Variants in CCSAP observed in about 807,000 individuals in gnomAD.
CCSAP encodes centriole, cilia and spindle associated protein.
CCSAP carries 17 observed loss-of-function variants against 25.9 expected under a neutral mutation model. The ratio of observed to expected loss-of-function variants is 0.66; its 90% CI spans 0.45 to 0.99. The LOEUF is 0.99. Ranked by LOEUF, CCSAP falls within the 50% of genes least tolerant of loss-of-function variation. CCSAP has a pLI of 0.00. For missense variants in CCSAP, 339 were observed against 367.8 expected, an observed-to-expected ratio of 0.92 and a Z score of 0.64; for synonymous variants, 169 against 157.1, an observed-to-expected ratio of 1.08 and a Z score of -0.57.
intron 2 of CCSAP, among the ~76,000 whole-genome samples, chr1:229,330,102 A>G (rs1200066471): frequency 6.7e-6 from 1 of 148,626 alleles, no homozygotes; most frequent in African/African-American, 2.6e-5. Context: ...CAGAGCAGAC[A>G]GCCCAGCAAC....
intron 2 of CCSAP, among the ~76,000 whole-genome samples, chr1:229,339,905 G>A (rs1385282000): frequency 6.6e-6 from 1 of 152,070 alleles, no homozygotes; most frequent in African/African-American, 2.4e-5. Context: ...GTGTGTGGGT[G>A]AGGAGAGCAG....
In CCSAP at chr1:229,337,670, C is replaced by CAAAAAAAAAAAAAAAAAAAAAAA. The variant is rs539736168; in HGVS notation, c.367+4428_367+4429insTTTTTTTTTTTTTTTTTTTTTTT. 3.6e-4 allele frequency among the ~76,000 whole-genome samples: 20 copies of CAAAAAAAAAAAAAAAAAAAAAAA among 55,966 alleles called. 3 individuals are homozygous for CAAAAAAAAAAAAAAAAAAAAAAA. The highest frequency in any genetic ancestry group is 6.7e-4 in the African/African-American group (9 of 13,432). 36.7% of individuals were successfully genotyped at this position (55,966 alleles called of 152,430 possible). The stretch of plus-strand genomic sequence containing the variant: ...CTAGACTGGAACAAGATCAAAGGCT[C>CAAAAAAAAAAAAAAAAAAAAAAA]AAAAAAAAATATATATATATATATA... On this transcript the variant is annotated intron_variant, in intron 2 of 3. Transcript: ENST00000284617.
chr1:229,328,282 T>G (rs1452543092), intron 2 of CCSAP, among the ~76,000 whole-genome samples: 2 of 152,108 alleles, frequency 1.3e-5, no homozygotes, highest in Non-Finnish European at 2.9e-5. Flanking sequence ...AGAGTTTTGC[T>G]CTCAGTCATG....
chr1:229,342,662 C>G lies in CCSAP; in HGVS notation c.-48-149G>C, dbSNP rs908485789. 5 of 374,222 alleles carry G rather than the reference C, an allele frequency of 1.3e-5. No individual in the cohort carries two copies. The highest frequency in any genetic ancestry group is 2.3e-5 in the Non-Finnish European group (5 of 213,550). 23.2% of individuals were successfully genotyped at this position (374,222 alleles called of 1,614,324 possible). On this transcript the variant is annotated intron_variant, in intron 1 of 3. Coordinates refer to ENST00000284617, the MANE Select transcript of CCSAP (RefSeq NM_145257.5). The surrounding 1 kb of genome is among the most constrained non-coding windows in gnomAD (Gnocchi z 7.5). The stretch of plus-strand genomic sequence containing the variant: ...AGGGGGCGGGGCGGGGGCGGCCTCA[C>G]CCGGCGGCCGGGACCAAGAGCAGAG...
In CCSAP at chr1:229,342,646, G is replaced by A. The variant is rs1658370233; in HGVS notation, c.-48-133C>T. The A allele has an allele frequency of 5.1e-6, 2 of 392,232 alleles. No homozygotes were observed. The highest frequency in any genetic ancestry group is 2.7e-4 in the South Asian group (2 of 7,502). 24.3% of individuals were successfully genotyped at this position (392,232 alleles called of 1,614,324 possible). On this transcript the variant is annotated intron_variant, in intron 1 of 3. Transcript: ENST00000284617. The surrounding 1 kb of genome is among the most constrained non-coding windows in gnomAD (Gnocchi z 7.5). The stretch of plus-strand genomic sequence containing the variant: ...CCCGGCGAGGGCGGGGAGGGGGCGG[G>A]GCGGGGGCGGCCTCACCCGGCGGCC...
intron 2 of CCSAP, among the ~76,000 whole-genome samples, chr1:229,327,951 C>T (rs1657987206): frequency 1.3e-5 from 2 of 152,024 alleles, no homozygotes; most frequent in Admixed American, 1.3e-4. Flanking sequence ...TGAAATCAGG[C>T]CTGGGTCTGT....
Position 229,332,347 on chromosome 1 carries a change from G to C in CCSAP, c.368-5341C>G, listed in dbSNP as rs139540347. On this transcript the variant is annotated intron_variant, in intron 2 of 3. Transcript: ENST00000284617. ...ACTGAGCCCTCAACCTGTGGGACCT[G>C]ATGCTATCTCCAGGCAGACAGTGTC... 4.0e-4 allele frequency among the ~76,000 whole-genome samples: 61 copies of C among 151,922 alleles called. No individual in the cohort carries two copies. The East Asian group carries it at 0.011, about 27-fold the overall frequency.
At position 229,322,146 on chromosome 1, in the gene CCSAP, T is replaced by G. The variant is rs755678235; in HGVS notation, c.*3089A>C. ...GGCGACTGTACCATAACATTCCATT[T>G]ACAAAGTGTGTGCCCAGAACAGCAT... On this transcript the variant is annotated 3_prime_UTR_variant, in exon 4 of 4. Coordinates refer to ENST00000284617, the MANE Select transcript of CCSAP (RefSeq NM_145257.5). The G allele has an allele frequency of 2.0e-5, 3 of 152,206 alleles. No homozygotes were observed. Among genetic ancestry groups the G allele is most frequent in the African/African-American group, 7.2e-5 (3 of 41,460 alleles). The allele number at this position is 152,206 out of a possible 1,614,324, so 9.4% of individuals were successfully genotyped here. A position where few individuals can be genotyped will look rare whatever the true frequency, so the allele number is the denominator to read the frequency against.
chr1:229,339,452 G>A (rs1377590445), intron 2 of CCSAP, among the ~76,000 whole-genome samples: 1 of 152,114 alleles, frequency 6.6e-6, no homozygotes, highest in African/African-American at 2.4e-5. Flanking sequence ...GCTATCTCTT[G>A]GCATTCAAAG....
intron 2 of CCSAP, among the ~76,000 whole-genome samples, chr1:229,338,450 G>A (rs1036871174): frequency 6.6e-6 from 1 of 151,432 alleles, no homozygotes; most frequent in African/African-American, 2.4e-5. Flanking sequence ...GTAAGGAATC[G>A]GAGACAGTCT....
chr1:229,333,261 T>C (rs909328911), intron 2 of CCSAP, among the ~76,000 whole-genome samples: 3 of 151,160 alleles, frequency 2.0e-5, no homozygotes, highest in African/African-American at 7.3e-5. Flanking sequence ...TGAAACCCCG[T>C]CTCTACTAAA....
chr1:229,332,235 A>T (rs569407197), intron 2 of CCSAP, among the ~76,000 whole-genome samples: 1 of 152,308 alleles, frequency 6.6e-6, no homozygotes, highest in South Asian at 2.1e-4. Context: ...AAACGGGGAT[A>T]ATGGGAACCC....
intron 2 of CCSAP, among the ~76,000 whole-genome samples, chr1:229,337,678 A>AAAAAAAAAAAAAAAATATAT: frequency 3.1e-5 from 2 of 65,512 alleles, no homozygotes; most frequent in East Asian, 3.2e-4. Flanking sequence ...CTCAAAAAAA[A>AAAAAAAAAAAAAAAATATAT]ATATATATAT....
chr1:229,342,166 G>T lies in CCSAP; in HGVS notation c.300C>A (p.Ala100=). ...QEEAERRARG[A]PEEQDAEAGD... ...CGGCCTCCGCGTCCTGCTCCTCCGG[G>T]GCCCCGCGCGCCCGCCGTTCCGCCT... Residue 100 remains alanine, a synonymous_variant, in exon 2 of 4, where the codon GCC becomes GCA. Coordinates refer to ENST00000284617, the MANE Select transcript of CCSAP (RefSeq NM_145257.5). The surrounding 1 kb of genome is among the most constrained non-coding windows in gnomAD (Gnocchi z 7.5). 7.7e-7 allele frequency: 1 copy of T among 1,296,378 alleles called. No homozygotes were observed. Among genetic ancestry groups the T allele is most frequent in the Admixed American group, 3.6e-5 (1 of 27,680 alleles). 80.3% of individuals were successfully genotyped at this position (1,296,378 alleles called of 1,614,324 possible). A position where few individuals can be genotyped will look rare whatever the true frequency, so the allele number is the denominator to read the frequency against.
At position 229,326,996 on chromosome 1, in the gene CCSAP, C is replaced by A; in HGVS notation, c.378G>T (p.Val126=). Residue 126 remains valine (V), a synonymous_variant, in exon 3 of 4, where the codon GTG becomes GTT. Transcript: ENST00000284617. The stretch of plus-strand genomic sequence containing the variant: ...GTTCAGGTTTATCTTCTACATCTTT[C>A]ACTGGCAGTGCTTTTGAAAAGAGAT... ...AEDAALPALP[V]KDVEDKPEQQ... 6.2e-7 allele frequency: 1 copy of A among 1,605,084 alleles called. No individual in the cohort carries two copies. Among genetic ancestry groups the A allele is most frequent in the Non-Finnish European group, 8.5e-7 (1 of 1,174,408 alleles).
intron 2 of CCSAP, among the ~76,000 whole-genome samples, chr1:229,329,996 AAAT>A (rs898332023): frequency 1.3e-5 from 2 of 152,150 alleles, no homozygotes; most frequent in Admixed American, 6.5e-5. Flanking sequence ...CATCTCAAAA[AAAT>A]AATAATAAAT....
intron 2 of CCSAP, among the ~76,000 whole-genome samples, chr1:229,337,678 A>AATAT (rs60399703): frequency 3.2e-4 from 21 of 65,422 alleles, no homozygotes; most frequent in East Asian, 2.5e-3. Flanking sequence ...CTCAAAAAAA[A>AATAT]ATATATATAT....
Position 229,342,119 on chromosome 1 carries a change from G to A in CCSAP, c.347C>T (p.Ala116Val). The change falls in exon 2 of 4, where the codon GCG becomes GTG. Residue 116 changes from alanine to valine, a missense_variant. Coordinates refer to ENST00000284617, the MANE Select transcript of CCSAP (RefSeq NM_145257.5). This position sits in a 1 kb window ranked among gnomAD's most constrained non-coding sequence, Gnocchi z 7.5. ...GGTACCTGGCAGAGCCGCGTCCTCC[G>A]CGTCCTCGGCCTCCGCGTCCCCGGC... ...AEAGDAEAED[A>V]EDAALPALPV... The A allele has an allele frequency of 3.0e-6, 4 of 1,345,064 alleles. No individual in the cohort carries two copies. The highest frequency in any genetic ancestry group is 3.8e-6 in the Non-Finnish European group (4 of 1,050,346). 83.3% of individuals were successfully genotyped at this position (1,345,064 alleles called of 1,614,324 possible).
rs1658380604 is a variant in CCSAP, at chr1:229,343,007, C to T, written c.-144G>A. ...GCAGCTCGCTCTCCCGCGCGCTTTC[C>T]TCCTGAGCAAGATGTCGCCGCGGCG... On this transcript the variant is annotated 5_prime_UTR_variant, in exon 1 of 4. Transcript: ENST00000284617. 6.6e-6 allele frequency: 1 copy of T among 152,330 alleles called. No individual in the cohort carries two copies. Among genetic ancestry groups the T allele is most frequent in the Non-Finnish European group, 1.5e-5 (1 of 68,062 alleles). 9.4% of individuals were successfully genotyped at this position (152,330 alleles called of 1,614,324 possible).
Sources: allele counts gnomAD v4.1 joint callset (sites outside exome capture counted in the v4.1 genomes callset), GRCh38; gene constraint gnomAD v4.1.1; non-coding constraint Gnocchi (gnomAD v3.1); transcripts MANE v1.5; gene names NCBI Gene and HGNC (gene_info 2026-07-23, HGNC 2026-07-21).